TWSG1: variants seen among roughly 807,000 people sequenced by gnomAD.
TWSG1 encodes twisted gastrulation BMP signaling modulator 1.
In TWSG1, 15 loss-of-function variants were observed where a neutral mutation model predicts 23.0. The ratio of observed to expected loss-of-function variants is 0.65; its 90% CI spans 0.44 to 1.00. The LOEUF is 1.00. TWSG1 is among the 50% of genes least tolerant of loss of function. The pLI, the probability that TWSG1 is intolerant of heterozygous loss-of-function variation, is 0.00. For missense variants in TWSG1, 242 were observed against 278.7 expected, an observed-to-expected ratio of 0.87 and a Z score of 0.94; for synonymous variants, 86 against 92.8, an observed-to-expected ratio of 0.93 and a Z score of 0.42.
chr18:9,390,868 C>G (rs951197759), intron 3 of TWSG1, among the ~76,000 whole-genome samples: 4 of 152,136 alleles, frequency 2.6e-5, no homozygotes, highest in Non-Finnish European at 4.4e-5. Flanking sequence ...AAAAAATTAG[C>G]TGGGCGTGGT....
At chr18:9,350,890 T>C (rs1190620715) in intron 2 of TWSG1, among the ~76,000 whole-genome samples, 1 of 152,172 alleles carries the variant, frequency 6.6e-6, no homozygotes. Context: ...CTAATTATAA[T>C]TGTTTATTCT....
chr18:9,368,471 G>A (rs144242046), intron 3 of TWSG1, among the ~76,000 whole-genome samples: 3,058 of 152,228 alleles, frequency 0.02, 36 homozygotes, highest in Non-Finnish European at 0.032. Flanking sequence ...AGAGTGCTGG[G>A]ATTACAGGCA....
At chr18:9,381,325 T>C (rs2040655228) in intron 3 of TWSG1, among the ~76,000 whole-genome samples, 1 of 152,226 alleles carries the variant, frequency 6.6e-6, no homozygotes, top group South Asian at 2.1e-4. Flanking sequence ...GACCCCTCTA[T>C]ACTCTGAAAA....
At chr18:9,399,277 G>T in intron 4 of TWSG1, 69 bp from the exon 5 acceptor site, 2 of 1,076,508 alleles carry the variant, frequency 1.9e-6, no homozygotes, top group Non-Finnish European at 2.7e-6. Flanking sequence ...ATTCAACTAG[G>T]TAATAAAGCA....
intron 2 of TWSG1, among the ~76,000 whole-genome samples, chr18:9,341,124 G>A (rs2040444794): frequency 6.6e-6 from 1 of 152,138 alleles, no homozygotes; most frequent in South Asian, 2.1e-4. Flanking sequence ...GGTCCACCTG[G>A]ATTTAAGTGG....
At chr18:9,343,245 TA>T (rs2040455274) in intron 2 of TWSG1, among the ~76,000 whole-genome samples, 1 of 29,590 alleles carries the variant, frequency 3.4e-5, no homozygotes, top group African/African-American at 1.1e-4. Context: ...TATATATATA[TA>T]TATATATATA....
intron 3 of TWSG1, among the ~76,000 whole-genome samples, chr18:9,393,150 C>T (rs566693981): frequency 6.6e-6 from 1 of 152,340 alleles, no homozygotes; most frequent in South Asian, 2.1e-4. Context: ...TAGACTAGCT[C>T]AGAGCAGGGT....
intron 3 of TWSG1, among the ~76,000 whole-genome samples, chr18:9,363,689 A>G (rs1484823802): frequency 6.6e-6 from 1 of 152,068 alleles, no homozygotes; most frequent in Non-Finnish European, 1.5e-5. Flanking sequence ...GCACTGGTGC[A>G]GTCTTGGCTC....
At chr18:9,348,443 G>A (rs1310175217) in intron 2 of TWSG1, among the ~76,000 whole-genome samples, 1 of 152,206 alleles carries the variant, frequency 6.6e-6, no homozygotes, top group Non-Finnish European at 1.5e-5. Context: ...ATTATATTCA[G>A]GAGATCCCCA....
chr18:9,378,839 G>A (rs1363626056), intron 3 of TWSG1, among the ~76,000 whole-genome samples: 1 of 151,988 alleles, frequency 6.6e-6, no homozygotes, highest in Admixed American at 6.6e-5. Flanking sequence ...AAATTAGCTG[G>A]GCATTGTGGC....
chr18:9,374,686 A>C (rs2040620855), intron 3 of TWSG1, among the ~76,000 whole-genome samples: 1 of 152,230 alleles, frequency 6.6e-6, no homozygotes, highest in African/African-American at 2.4e-5. Flanking sequence ...TGAGGTTAGC[A>C]TTGTCCTAAT....
intron 2 of TWSG1, 90 bp from the exon 3 acceptor site, chr18:9,359,882 T>A (rs752508026): frequency 5.5e-6 from 5 of 910,820 alleles, no homozygotes; most frequent in Non-Finnish European, 8.6e-6. Context: ...TTACTGTAAA[T>A]GCAAATATGG....
chr18:9,358,126 A>G (rs1234064871), intron 2 of TWSG1, among the ~76,000 whole-genome samples: 1 of 152,176 alleles, frequency 6.6e-6, no homozygotes, highest in Non-Finnish European at 1.5e-5. Context: ...AGCTGGTTGC[A>G]AAGGACTAGA....
intron 2 of TWSG1, among the ~76,000 whole-genome samples, chr18:9,347,382 T>C (rs549692693): frequency 6.6e-6 from 1 of 152,352 alleles, no homozygotes; most frequent in Admixed American, 6.5e-5. Flanking sequence ...TATTGCCAGC[T>C]AAGATTTAAT....
chr18:9,353,121 A>G (rs190967097), intron 2 of TWSG1, among the ~76,000 whole-genome samples: 2 of 152,356 alleles, frequency 1.3e-5, no homozygotes, highest in Admixed American at 1.3e-4. Context: ...CCTAGGAACA[A>G]TAGGCCATAC....
At chr18:9,369,512 C>G (rs2040594843) in intron 3 of TWSG1, among the ~76,000 whole-genome samples, 1 of 152,052 alleles carries the variant, frequency 6.6e-6, no homozygotes, top group Admixed American at 6.5e-5. Context: ...CATGATACAC[C>G]CACCTCGCCT....
At chr18:9,335,666 T>C (rs1006437073) in intron 1 of TWSG1, among the ~76,000 whole-genome samples, 1 of 152,218 alleles carries the variant, frequency 6.6e-6, no homozygotes, top group African/African-American at 2.4e-5. Context: ...TATGCGGCGT[T>C]AGATACATTA....
chr18:9,393,815 C>T (rs1287800736), intron 3 of TWSG1, among the ~76,000 whole-genome samples: 1 of 152,158 alleles, frequency 6.6e-6, no homozygotes, highest in Non-Finnish European at 1.5e-5. Context: ...CTCACCTCTG[C>T]GTCTCAAAGT....
At chr18:9,373,147 A>G (rs980556142) in intron 3 of TWSG1, among the ~76,000 whole-genome samples, 2 of 152,254 alleles carry the variant, frequency 1.3e-5, no homozygotes, top group Non-Finnish European at 2.9e-5. Context: ...AAGGAAAGTT[A>G]TCAGAGATAA....
Sources: gnomAD v4.1 joint callset for allele counts (sites outside exome capture counted in the v4.1 genomes callset) on GRCh38, gnomAD v4.1.1 for gene constraint, MANE v1.5 for transcripts, NCBI Gene and HGNC (gene_info 2026-07-23, HGNC 2026-07-21) for gene names.